CPM: variants seen among roughly 807,000 people sequenced by gnomAD.
CPM encodes the protein carboxypeptidase M, also known as renal carboxypeptidase.
CPM carries 35 observed loss-of-function variants against 46.4 expected under a neutral mutation model. That is an observed-to-expected ratio of 0.75 (90% CI 0.58 to 1.00). CPM has a LOEUF of 1.00. CPM is among the 50% of genes least tolerant of loss of function. The pLI is 0.00. For missense variants in CPM, 422 were observed against 530.4 expected (o/e 0.80, Z 2.01); for synonymous variants, 195 against 195.3 (o/e 1.00, Z 0.01).
At chr12:68,883,076 A>G (rs748685958) in intron 3 of CPM, among the ~76,000 whole-genome samples, 6 of 152,190 alleles carry the variant, frequency 3.9e-5, no homozygotes, top group Non-Finnish European at 8.8e-5. Context: ...AGTGTGGCCA[A>G]TTCTGTCCAC....
At chr12:68,862,876 T>C (rs1164655530) in intron 7 of CPM, among the ~76,000 whole-genome samples, 1 of 150,906 alleles carries the variant, frequency 6.6e-6, no homozygotes, top group Non-Finnish European at 1.5e-5. Context: ...AAAGGAAAAT[T>C]TGAAAAATGC....
At chr12:68,844,946 C>G (rs1013389229) in intron 5 of CPM, 3 of 194,538 alleles carry the variant, frequency 1.5e-5, no homozygotes, top group African/African-American at 7.0e-5. Context: ...TTTTGTATTT[C>G]TAGCAGAGAT....
At chr12:68,861,670 A>G (rs191204889) in intron 7 of CPM, among the ~76,000 whole-genome samples, 41 of 151,984 alleles carry the variant, frequency 2.7e-4, no homozygotes, top group Non-Finnish European at 3.8e-4. Context: ...CTGGGATTAC[A>G]GGCACGCACC....
chr12:68,856,959 A>G (rs1251703660), intron 8 of CPM, among the ~76,000 whole-genome samples: 1 of 152,208 alleles, frequency 6.6e-6, no homozygotes, highest in Non-Finnish European at 1.5e-5. Context: ...AGGAAGCAGC[A>G]GATGTTTCTG....
At chr12:68,918,486 T>A (rs1237247458) in intron 2 of CPM, among the ~76,000 whole-genome samples, 2 of 152,146 alleles carry the variant, frequency 1.3e-5, no homozygotes. Context: ...CCCAAATCTG[T>A]CCTCTTCCAG....
intron 3 of CPM, 118 bp from the exon 4 acceptor site, chr12:68,872,074 A>G (rs947379203): frequency 6.9e-5 from 68 of 991,820 alleles, no homozygotes; most frequent in Admixed American, 1.2e-4. Context: ...GACCCAAACT[A>G]GTTTGTAAGA....
At chr12:68,917,217 G>C (rs1049269046) in intron 2 of CPM, among the ~76,000 whole-genome samples, 2 of 59,356 alleles carry the variant, frequency 3.4e-5, no homozygotes, top group African/African-American at 2.2e-4. Flanking sequence ...TTTTCACCTG[G>C]CTGATCTCTT....
chr12:68,847,573 C>T (rs1884417082), downstream of CPM: 1 of 149,364 alleles, frequency 6.7e-6, no homozygotes, highest in Admixed American at 6.7e-5. Flanking sequence ...CCTGCCTCAG[C>T]CTCCCGAGTA....
At chr12:68,901,019 TA>T (rs1406129251) in intron 2 of CPM, among the ~76,000 whole-genome samples, 1 of 152,224 alleles carries the variant, frequency 6.6e-6, no homozygotes, top group African/African-American at 2.4e-5. Context: ...TGGTGGGGGA[TA>T]TTGATCATGG....
chr12:68,867,763 C>T (rs1885517953), intron 6 of CPM, among the ~76,000 whole-genome samples: 1 of 152,222 alleles, frequency 6.6e-6, no homozygotes, highest in Admixed American at 6.5e-5. Context: ...CGGCCCGGCC[C>T]CCTGTGGAGC....
chr12:68,890,571 C>G (rs2136260942), intron 2 of CPM, among the ~76,000 whole-genome samples: 1 of 152,204 alleles, frequency 6.6e-6, no homozygotes, highest in East Asian at 1.9e-4. Flanking sequence ...TTCTGAGGAT[C>G]TAAGGCTGCC....
chr12:68,892,954 C>T (rs1385013959), intron 2 of CPM, among the ~76,000 whole-genome samples: 1 of 151,852 alleles, frequency 6.6e-6, no homozygotes, highest in Non-Finnish European at 1.5e-5. Context: ...CATCACACAC[C>T]TGGGCCTGTT....
intron 1 of CPM, among the ~76,000 whole-genome samples, chr12:68,938,331 G>C (rs993964679): frequency 4.6e-5 from 7 of 151,962 alleles, no homozygotes; most frequent in Non-Finnish European, 7.4e-5. Context: ...GACCCCAGGG[G>C]TTTGAGGTTG....
At chr12:68,907,509 T>G (rs1053076722) in intron 2 of CPM, among the ~76,000 whole-genome samples, 3 of 152,266 alleles carry the variant, frequency 2.0e-5, no homozygotes, top group African/African-American at 7.2e-5. Flanking sequence ...CACATGTGTT[T>G]GATAGATGCA....
intron 2 of CPM, among the ~76,000 whole-genome samples, chr12:68,908,146 A>G (rs1304271150): frequency 6.6e-6 from 1 of 152,178 alleles, no homozygotes; most frequent in Non-Finnish European, 1.5e-5. Context: ...TAAATGGACT[A>G]TTATCTCAAA....
intron 5 of CPM, chr12:68,843,090 TG>T: frequency 9.0e-6 from 2 of 223,092 alleles, no homozygotes; most frequent in Non-Finnish European, 1.8e-5. Context: ...ATTTGTTGTG[TG>T]GGTTTTTTTT....
intron 6 of CPM, among the ~76,000 whole-genome samples, chr12:68,868,731 T>G (rs1185011082): frequency 6.6e-6 from 1 of 152,170 alleles, no homozygotes; most frequent in African/African-American, 2.4e-5. Flanking sequence ...GCTCTTTTGT[T>G]GAGCCCGCAA....
intron 3 of CPM, among the ~76,000 whole-genome samples, chr12:68,872,390 T>C (rs1232055695): frequency 6.6e-6 from 1 of 151,740 alleles, no homozygotes; most frequent in Non-Finnish European, 1.5e-5. Flanking sequence ...GTAGCTGGGA[T>C]TACAGGCGTG....
chr12:68,928,911 A>ATT (rs5798912), intron 2 of CPM, among the ~76,000 whole-genome samples: 10 of 144,230 alleles, frequency 6.9e-5, no homozygotes, highest in African/African-American at 2.1e-4. Context: ...GGTTAATTAA[A>ATT]TTTTTTTTTT....
Sources: allele counts gnomAD v4.1 joint callset (sites outside exome capture counted in the v4.1 genomes callset), GRCh38; gene constraint gnomAD v4.1.1; transcripts MANE v1.5; gene names NCBI Gene and HGNC (gene_info 2026-07-23, HGNC 2026-07-21).